Variants in SOS1 observed in about 807,000 individuals in gnomAD.
SOS1 encodes the protein son of sevenless homolog 1.
SOS1 carries 25 observed loss-of-function variants against 157.6 expected under a neutral mutation model. The observed-to-expected ratio is 0.16, with a 90% CI of 0.12 to 0.22. SOS1 has a LOEUF of 0.22. SOS1 is among the 10% of genes least tolerant of loss of function. The probability of loss-of-function intolerance (pLI) is 1.00; values close to 1 mark genes in which losing one functional copy is unlikely to be tolerated. For missense variants in SOS1, 1,237 were observed against 1,599.1 expected (o/e 0.77, Z 3.86); for synonymous variants, 528 against 534.0 (o/e 0.99, Z 0.16).
At chr2:39,114,122 G>A (rs1013312927) in intron 1 of SOS1, among the ~76,000 whole-genome samples, 8 of 151,818 alleles carry the variant, frequency 5.3e-5, no homozygotes, top group African/African-American at 1.9e-4. Flanking sequence ...CTGAGACAGG[G>A]TTTTACCCTG....
chr2:39,031,766 A>C (rs763147596), intron 8 of SOS1, among the ~76,000 whole-genome samples: 6 of 152,198 alleles, frequency 3.9e-5, no homozygotes, highest in Non-Finnish European at 8.8e-5. Context: ...CAATATATTT[A>C]CTTAGCCCCA....
At chr2:39,124,242 G>C (rs902660746), upstream of SOS1, 1 of 152,364 alleles carries the variant, frequency 6.6e-6, no homozygotes, top group Admixed American at 6.5e-5. Context: ...GTGCAGACGG[G>C]TAGGCACGTG....
intron 6 of SOS1, among the ~76,000 whole-genome samples, chr2:39,044,052 G>A (rs994334607): frequency 1.3e-5 from 2 of 152,124 alleles, no homozygotes; most frequent in Admixed American, 6.5e-5. Context: ...GGATCTTAGT[G>A]TTCTTTCATG....
In SOS1 at chr2:39,006,547, A is replaced by G. The variant is rs1669287701; in HGVS notation, c.2674-18T>C. On this transcript the variant is annotated intron_variant, in intron 16 of 22. Transcript: ENST00000402219. ...GGTATTTGCTATAAGGAAAAAAAAT[A>G]GGCGTAAGTTTACAAAAGGAATCAA... The G allele has an allele frequency of 2.4e-6, 3 of 1,249,092 alleles. No individual in the cohort carries two copies. The highest frequency in any genetic ancestry group is 3.5e-6 in the Non-Finnish European group (3 of 847,754). The allele number at this position is 1,249,092 out of a possible 1,614,324, so 77.4% of individuals were successfully genotyped here.
chr2:39,017,569 A>T (rs748639756), intron 10 of SOS1, among the ~76,000 whole-genome samples: 27 of 151,966 alleles, frequency 1.8e-4, no homozygotes, highest in Non-Finnish European at 3.4e-4. Flanking sequence ...TTTTAGCTTG[A>T]CTGGAATTAA....
At chr2:39,090,585 A>G (rs1468259677) in intron 1 of SOS1, among the ~76,000 whole-genome samples, 1 of 152,060 alleles carries the variant, frequency 6.6e-6, no homozygotes, top group Non-Finnish European at 1.5e-5. Flanking sequence ...AATCCCAGCT[A>G]CTAGACAGGC....
chr2:39,008,461 A>C (rs144251934), intron 15 of SOS1, among the ~76,000 whole-genome samples: 5 of 152,358 alleles, frequency 3.3e-5, no homozygotes, highest in African/African-American at 1.2e-4. Flanking sequence ...AAGTAGTTTA[A>C]ATTTAATGGT....
chr2:39,105,362 C>A (rs1267276890), intron 1 of SOS1, among the ~76,000 whole-genome samples: 1 of 151,486 alleles, frequency 6.6e-6, no homozygotes, highest in Admixed American at 6.6e-5. Context: ...TGGCCTCAAG[C>A]TGGTACAGCA....
chr2:39,057,109 T>C (rs867710483), intron 3 of SOS1, among the ~76,000 whole-genome samples: 1 of 152,180 alleles, frequency 6.6e-6, no homozygotes, highest in Non-Finnish European at 1.5e-5. Context: ...AAGCGGAGAT[T>C]ACAAATAGAT....
chr2:38,994,231 G>A (rs576873990), intron 20 of SOS1, among the ~76,000 whole-genome samples: 1 of 152,284 alleles, frequency 6.6e-6, no homozygotes, highest in African/African-American at 2.4e-5. Context: ...TAAATAAAAT[G>A]TATTAAAGTT....
At position 39,120,400 on chromosome 2, in the gene SOS1, T is replaced by C. The variant is rs781093356; in HGVS notation, c.23A>G (p.Tyr8Cys). The C allele has an allele frequency of 3.1e-6, 5 of 1,599,354 alleles. No individual in the cohort carries two copies. The Admixed American group carries it at 6.8e-5, about 22-fold the overall frequency. The change falls in exon 1 of 23, where the codon TAC becomes TGC. Residue 8 changes from tyrosine to cysteine, a missense_variant. Physicochemically the swap from Tyr to Cys is radical, Grantham distance 194. Around this residue, in one of 15 missense-constraint regions of SOS1, gnomAD observed 99 missense variants for 81.6 expected, o/e 1.21. Transcript: ENST00000402219. ...CGCGTTCTCTTCGCTGAAAAACTCG[T>C]AGGGCAGCTGCTGCGCCTGCATGGT... MQAQQLP[Y>C]EFFSEENAPK...
intron 1 of SOS1, among the ~76,000 whole-genome samples, chr2:39,088,473 A>G (rs1339490435): frequency 2.0e-5 from 3 of 151,996 alleles, no homozygotes; most frequent in Admixed American, 1.3e-4. Context: ...CTGTTAAACA[A>G]TAACTCCCCA....
intron 1 of SOS1, among the ~76,000 whole-genome samples, chr2:39,118,930 T>C (rs1243854634): frequency 5.9e-5 from 9 of 152,258 alleles, no homozygotes. Context: ...GATACCTTGG[T>C]GATTCCCCTG....
At chr2:38,991,316 A>ACCTACACCAAAC (rs1265580644) in intron 20 of SOS1, among the ~76,000 whole-genome samples, 4 of 152,074 alleles carry the variant, frequency 2.6e-5, no homozygotes, top group African/African-American at 7.2e-5. Context: ...CATCACCTAC[A>ACCTACACCAAAC]GCAATCTTCC....
intron 17 of SOS1, among the ~76,000 whole-genome samples, chr2:38,999,697 C>G (rs1285554276): frequency 2.6e-5 from 4 of 152,210 alleles, no homozygotes; most frequent in African/African-American, 9.6e-5. Flanking sequence ...AGTGTTCAGT[C>G]TGACAAACAC....
chr2:39,090,139 CAAAAAAA>C (rs10598316), intron 1 of SOS1, among the ~76,000 whole-genome samples: 1 of 110,930 alleles, frequency 9.0e-6, no homozygotes, highest in Non-Finnish European at 2.0e-5. Context: ...GACCCTGTCT[CAAAAAAA>C]AAAAAAAAAA....
At chr2:39,021,619 C>T (rs1218768769) in intron 10 of SOS1, among the ~76,000 whole-genome samples, 1 of 150,690 alleles carries the variant, frequency 6.6e-6, no homozygotes. Flanking sequence ...TCTAGGAACC[C>T]CAAACAAAAG....
chr2:39,078,824 G>C (rs561413050), intron 1 of SOS1, among the ~76,000 whole-genome samples: 14 of 152,158 alleles, frequency 9.2e-5, no homozygotes, highest in Non-Finnish European at 2.1e-4. Context: ...CACTTTGGGA[G>C]GCTAAGGCAG....
chr2:39,116,096 T>C (rs1483901057), intron 1 of SOS1, among the ~76,000 whole-genome samples: 1 of 152,266 alleles, frequency 6.6e-6, no homozygotes, highest in African/African-American at 2.4e-5. Flanking sequence ...TCTATATTTA[T>C]GGCTTTACTT....
Sources: allele counts gnomAD v4.1 joint callset (sites outside exome capture counted in the v4.1 genomes callset), GRCh38; gene constraint gnomAD v4.1.1; regional missense constraint gnomAD v4.1.1; transcripts MANE v1.5; gene names NCBI Gene and HGNC (gene_info 2026-07-23, HGNC 2026-07-21).